The following ZEB2 variants were observed in gnomAD, a reference collection of about 807,000 sequenced individuals.
ZEB2 encodes the protein zinc finger E-box binding homeobox 2, also known as zinc finger E-box-binding homeobox 2.
ZEB2 carries 6 observed loss-of-function variants against 99.9 expected under a neutral mutation model. The observed-to-expected ratio is 0.06, with a 90% CI of 0.03 to 0.12. The LOEUF (loss-of-function observed/expected upper bound fraction) is 0.12, where lower values mean the gene tolerates loss of function less well. Ranked by LOEUF, ZEB2 falls within the 10% of genes least tolerant of loss-of-function variation. The pLI, the probability that ZEB2 is intolerant of heterozygous loss-of-function variation, is 1.00. For synonymous variants in ZEB2, 517 were observed against 542.5 expected, an observed-to-expected ratio of 0.95 and a Z score of 0.65; for missense variants, 969 against 1,502.8, an observed-to-expected ratio of 0.64 and a Z score of 5.87.
chr2:144,397,246 CATG>C (rs992570916), intron 8 of ZEB2, among the ~76,000 whole-genome samples: 4 of 152,164 alleles, frequency 2.6e-5, no homozygotes, highest in Non-Finnish European at 4.4e-5. Flanking sequence ...TGCAAACTTG[CATG>C]ATAACATACA....
intron 2 of ZEB2, chr2:144,450,485 A>T (rs929950874): frequency 1.3e-5 from 2 of 152,150 alleles, no homozygotes; most frequent in African/African-American, 4.8e-5. Context: ...CAACACTCTG[A>T]TTTAGAATAA....
At chr2:144,502,530 G>A (rs568339060) in intron 2 of ZEB2, among the ~76,000 whole-genome samples, 5 of 152,182 alleles carry the variant, frequency 3.3e-5, no homozygotes, top group East Asian at 3.9e-4. Flanking sequence ...GACCCACTGC[G>A]CGTTCCTTCA....
intron 2 of ZEB2, among the ~76,000 whole-genome samples, chr2:144,432,614 C>T (rs769825658): frequency 1.4e-4 from 22 of 152,238 alleles, no homozygotes; most frequent in Non-Finnish European, 2.5e-4. Flanking sequence ...TTAAAATGTT[C>T]CCTCACGTCT....
At chr2:144,515,542 G>A (rs930898775) in intron 2 of ZEB2, among the ~76,000 whole-genome samples, 5 of 151,480 alleles carry the variant, frequency 3.3e-5, no homozygotes, top group Non-Finnish European at 5.9e-5. Flanking sequence ...GAGAAAGAGA[G>A]AGGGAGAGAC....
At chr2:144,510,907 G>T (rs527880576) in intron 2 of ZEB2, among the ~76,000 whole-genome samples, 1 of 152,184 alleles carries the variant, frequency 6.6e-6, no homozygotes, top group South Asian at 2.1e-4. Flanking sequence ...ATTGATGTGA[G>T]CGAAAGTGAA....
Position 144,386,935 on chromosome 2 carries a change from C to A in ZEB2, c.*2516G>T, listed in dbSNP as rs924711975. 2 of 147,640 alleles carry A rather than the reference C, an allele frequency of 1.4e-5. No homozygotes were observed. Among genetic ancestry groups the A allele is most frequent in the African/African-American group, 2.5e-5 (1 of 39,690 alleles). 9.1% of individuals were successfully genotyped at this position (147,640 alleles called of 1,614,324 possible). ...GCCACTCCTCCCCCTGCCCCCCCCACCCCCTCTGCCAGAAAGTTTGAAGAT... is the reference window on the plus strand; with the variant it reads ...GCCACTCCTCCCCCTGCCCCCCCCAACCCCTCTGCCAGAAAGTTTGAAGAT... On this transcript the variant is annotated 3_prime_UTR_variant, in exon 10 of 10. Transcript: ENST00000627532.
rs1318555924 is a variant in ZEB2 at position 144,429,853 on chromosome 2, C to T, written c.247G>A (p.Glu83Lys). The change falls in exon 3 of 10, where the codon GAA becomes AAA. Residue 83 changes from glutamate to lysine, a missense_variant. Around this residue, in one of 8 missense-constraint regions of ZEB2, gnomAD observed 173 missense variants for 217.7 expected, o/e 0.79. Coordinates refer to ENST00000627532, the MANE Select transcript of ZEB2 (RefSeq NM_014795.4). ...CCCTCCCTTATTTCATCTTCCTCTT[C>T]CTCTCTTGGCAACAGAGCTTGGCTC... ...HVSQALLPRE[E>K]EEDEIREGGV... 6.2e-7 allele frequency: 1 copy of T among 1,613,816 alleles called. No homozygotes were observed. Among genetic ancestry groups the T allele is most frequent in the South Asian group, 1.1e-5 (1 of 91,074 alleles).
At chr2:144,429,212 A>G (rs1178010643) in intron 3 of ZEB2, 3 of 157,684 alleles carry the variant, frequency 1.9e-5, no homozygotes, top group Non-Finnish European at 4.2e-5. Flanking sequence ...TCAAGTACTT[A>G]GCTGATAAAT....
In ZEB2 at chr2:144,485,161, T is replaced by C. The variant is rs568766504; in HGVS notation, c.73+32117A>G. Among the ~76,000 whole-genome samples the C allele has an allele frequency of 2.0e-5, 3 of 152,316 alleles. No homozygotes were observed. The East Asian group carries it at 5.8e-4, about 29-fold the overall frequency. ...GGTATTCAAATCCTGGTTCTGTCAG[T>C]TCTGTTTCAATTTCTACCCAATGGG... On this transcript the variant is annotated intron_variant, in intron 2 of 9. Transcript: ENST00000627532.
At chr2:144,422,454 C>T (rs1040309027) in intron 4 of ZEB2, among the ~76,000 whole-genome samples, 1 of 152,206 alleles carries the variant, frequency 6.6e-6, no homozygotes, top group Non-Finnish European at 1.5e-5. Flanking sequence ...ACCTCCTTCA[C>T]AAAACCTGAT....
At chr2:144,505,534 C>T (rs1704941567) in intron 2 of ZEB2, among the ~76,000 whole-genome samples, 1 of 152,056 alleles carries the variant, frequency 6.6e-6, no homozygotes, top group South Asian at 2.1e-4. Flanking sequence ...TCCTGGGCAC[C>T]TCTATATAAA....
At chr2:144,518,430 T>G (rs1041104176) in intron 1 of ZEB2, 14 of 152,106 alleles carry the variant, frequency 9.2e-5, no homozygotes, top group Non-Finnish European at 7.3e-5. Context: ...GCCTCGAGGA[T>G]TAGTTTAAAC....
At chr2:144,411,097 A>ATG (rs1456781008) in intron 4 of ZEB2, among the ~76,000 whole-genome samples, 105 of 99,076 alleles carry the variant, frequency 1.1e-3, no homozygotes, top group African/African-American at 3.5e-3. Flanking sequence ...ATATATATAT[A>ATG]TATGTATAAT....
At chr2:144,426,967 G>A (rs1703698059) in intron 3 of ZEB2, 1 of 152,016 alleles carries the variant, frequency 6.6e-6, no homozygotes, top group Non-Finnish European at 1.5e-5. Flanking sequence ...TATTGCCTCC[G>A]AATTAAAGGC....
intron 2 of ZEB2, among the ~76,000 whole-genome samples, chr2:144,474,886 G>T (rs1704409931): frequency 6.6e-6 from 1 of 152,114 alleles, no homozygotes; most frequent in Non-Finnish European, 1.5e-5. Flanking sequence ...TTGGAAGAAA[G>T]AAATATAACA....
intron 4 of ZEB2, among the ~76,000 whole-genome samples, chr2:144,421,735 T>G (rs902798468): frequency 6.6e-6 from 1 of 151,858 alleles, no homozygotes; most frequent in Non-Finnish European, 1.5e-5. Flanking sequence ...AGCTTTCTAC[T>G]TGCTTCAACA....
At chr2:144,481,687 CAA>C (rs1002566895) in intron 2 of ZEB2, among the ~76,000 whole-genome samples, 1 of 152,138 alleles carries the variant, frequency 6.6e-6, no homozygotes, top group African/African-American at 2.4e-5. Context: ...TTTGAAAACT[CAA>C]GAGATCTTCA....
At position 144,399,645 on chromosome 2, in the gene ZEB2, C is replaced by T. The variant is rs141674976; in HGVS notation, c.1542G>A (p.Pro514=). 6.3e-5 allele frequency: 102 copies of T among 1,614,044 alleles called. No homozygotes were observed. The highest frequency in any genetic ancestry group is 1.2e-4 in the Admixed American group (7 of 60,004). Residue 514 remains proline, a synonymous_variant, in exon 8 of 10, where the codon CCG becomes CCA. Transcript: ENST00000627532. The surrounding 1 kb of genome is among the most constrained non-coding windows in gnomAD (Gnocchi z 5.6). ...TAGTGGCACCATTATGACTCACTAC[C>T]GGAAGACCGACAGGCGGAATATTAG... is the stretch of plus-strand genomic sequence containing the variant. ...TSPNIPPVGL[P]VVSHNGATKS... is the part of the protein sequence containing the mutation.
intron 2 of ZEB2, chr2:144,450,472 A>G (rs1229214337): frequency 1.3e-5 from 2 of 152,178 alleles, no homozygotes; most frequent in Non-Finnish European, 2.9e-5. Flanking sequence ...TATTCTCTCT[A>G]ATCAACACTC....
Sources: allele counts gnomAD v4.1 joint callset (sites outside exome capture counted in the v4.1 genomes callset), GRCh38; gene constraint gnomAD v4.1.1; regional missense constraint gnomAD v4.1.1; non-coding constraint Gnocchi (gnomAD v3.1); transcripts MANE v1.5; gene names NCBI Gene and HGNC (gene_info 2026-07-23, HGNC 2026-07-21).